Variants in ABHD2 observed in about 807,000 individuals in gnomAD.
ABHD2 encodes the protein monoacylglycerol lipase ABHD2.
A neutral mutation model predicts 48.1 loss-of-function variants in ABHD2; 20 were observed. That is an observed-to-expected ratio of 0.42 (90% CI 0.29 to 0.60). ABHD2 has a LOEUF of 0.60. ABHD2 is among the 20% of genes least tolerant of loss of function. The probability of loss-of-function intolerance (pLI) is 0.24; values close to 1 mark genes in which losing one functional copy is unlikely to be tolerated. For missense variants in ABHD2, 405 were observed against 550.9 expected (o/e 0.74, Z 2.65); for synonymous variants, 209 against 214.2 (o/e 0.98, Z 0.21).
Position 89,102,494 on chromosome 15 carries a change from T to G in ABHD2, c.-106-11231T>G, listed in dbSNP as rs1298615186. 1 of 152,292 alleles carries G rather than the reference T, an allele frequency of 6.6e-6. No homozygotes were observed. The highest frequency in any genetic ancestry group is 1.5e-5 in the Non-Finnish European group (1 of 68,066). 9.4% of individuals were successfully genotyped at this position (152,292 alleles called of 1,614,324 possible). A position where few individuals can be genotyped will look rare whatever the true frequency, so the allele number is the denominator to read the frequency against. On this transcript the variant is annotated intron_variant, in intron 1 of 10. Coordinates refer to ENST00000352732, the MANE Select transcript of ABHD2 (RefSeq NM_152924.5). This position sits in a 1 kb window ranked among gnomAD's most constrained non-coding sequence, Gnocchi z 4.8. ...CCCTCCCAGTGGTACTGATGCCTTT[T>G]CGCAGGTTCTGTCCTCTTCATTTGC...
chr15:89,045,448 T>C, the ABHD2 span, among the ~76,000 whole-genome samples: 1 of 152,242 alleles, frequency 6.6e-6, no homozygotes, highest in Non-Finnish European at 1.5e-5. Flanking sequence ...AAGTCATTGG[T>C]AGCTTGATGG....
rs956279687 is a variant in ABHD2 at position 89,168,246 on chromosome 15, C to T, written c.539-7566C>T. Among the ~76,000 whole-genome samples the T allele has an allele frequency of 2.6e-5, 4 of 152,130 alleles. No homozygotes were observed. Among genetic ancestry groups the T allele is most frequent in the Admixed American group, 6.6e-5 (1 of 15,266 alleles). ...CAGCAAGTTGCCTTTCCAAAATGGC[C>T]GTGCAATACTCATCTGTCTAAGGCC... On this transcript the variant is annotated intron_variant, in intron 5 of 10. Coordinates refer to ENST00000352732, the MANE Select transcript of ABHD2 (RefSeq NM_152924.5). The surrounding 1 kb of genome is among the most constrained non-coding windows in gnomAD (Gnocchi z 4.8).
chr15:89,053,883 C>T, the ABHD2 span, among the ~76,000 whole-genome samples: 1 of 152,212 alleles, frequency 6.6e-6, no homozygotes, highest in African/African-American at 2.4e-5. Context: ...AGGTGCCAGC[C>T]TCCCGGACGC....
chr15:89,048,392 C>T, the ABHD2 span, among the ~76,000 whole-genome samples: 15 of 150,956 alleles, frequency 9.9e-5, no homozygotes, highest in Non-Finnish European at 2.1e-4. Flanking sequence ...TTGCTCTTCT[C>T]GAGGAGTATC....
At chr15:89,183,384 A>AAAAAAAAAT (rs61602174) in intron 6 of ABHD2, 15 of 46,254 alleles carry the variant, frequency 3.2e-4, no homozygotes, top group East Asian at 7.8e-4. Flanking sequence ...AAAAAAAAAA[A>AAAAAAAAAT]ATATATATAT....
chr15:89,041,990 G>A, the ABHD2 span, among the ~76,000 whole-genome samples: 12 of 152,154 alleles, frequency 7.9e-5, no homozygotes, highest in African/African-American at 2.7e-4. Context: ...TGGGAGGGGC[G>A]TCCATCTTTA....
the ABHD2 span, among the ~76,000 whole-genome samples, chr15:89,063,797 A>G: frequency 2.5e-4 from 38 of 152,246 alleles, no homozygotes; most frequent in African/African-American, 9.1e-4. Context: ...GTGGTCCCCA[A>G]CATTTTTGGC....
At position 89,198,931 on chromosome 15, in the gene ABHD2, C is replaced by T. The variant is rs2051440597; in HGVS notation, c.*3508C>T. ...AGAGTCCCCGTTGTCATCGTAAGAC[C>T]CTTGCTGTTTGGAGGGTGGTCTTGT... On this transcript the variant is annotated 3_prime_UTR_variant, in exon 11 of 11. Transcript: ENST00000352732. This position sits in a 1 kb window ranked among gnomAD's most constrained non-coding sequence, Gnocchi z 5.1. 1 of 152,244 alleles carries T rather than the reference C, an allele frequency of 6.6e-6. No homozygotes were observed. Among genetic ancestry groups the T allele is most frequent in the African/African-American group, 2.4e-5 (1 of 41,400 alleles). 9.4% of individuals were successfully genotyped at this position (152,244 alleles called of 1,614,324 possible). A position where few individuals can be genotyped will look rare whatever the true frequency, so the allele number is the denominator to read the frequency against.
chr15:89,133,853 T>C (rs2050259019), intron 3 of ABHD2, among the ~76,000 whole-genome samples: 1 of 133,182 alleles, frequency 7.5e-6, no homozygotes, highest in Non-Finnish European at 1.7e-5. Flanking sequence ...TTTTTTTTTT[T>C]TGAGACAGAG....
intron 3 of ABHD2, among the ~76,000 whole-genome samples, chr15:89,140,696 A>C (rs541611077): frequency 2.0e-5 from 3 of 152,230 alleles, no homozygotes; most frequent in African/African-American, 7.2e-5. Flanking sequence ...TGGGAGCCTC[A>C]CGTCACCTCT....
chr15:89,049,929 TTTC>T, the ABHD2 span, among the ~76,000 whole-genome samples: 1 of 152,176 alleles, frequency 6.6e-6, no homozygotes, highest in African/African-American at 2.4e-5. Flanking sequence ...ATTTTTCTCT[TTTC>T]TATTCCTCCA....
At chr15:89,119,093 G>A (rs978962782) in intron 3 of ABHD2, among the ~76,000 whole-genome samples, 42 of 152,178 alleles carry the variant, frequency 2.8e-4, no homozygotes, top group Non-Finnish European at 1.5e-5. Context: ...CCGAACTAGG[G>A]AGTGGTGGAG....
At chr15:89,055,189 C>G in the ABHD2 span, among the ~76,000 whole-genome samples, 1 of 152,144 alleles carries the variant, frequency 6.6e-6, no homozygotes, top group Non-Finnish European at 1.5e-5. Context: ...TGAATTGAAA[C>G]CCAGTCCAAA....
rs190603121 is a variant in ABHD2 at position 89,163,148 on chromosome 15, C to T, written c.538+7614C>T. Among the ~76,000 whole-genome samples the T allele has an allele frequency of 7.2e-4, 109 of 152,328 alleles. 2 individuals carry two copies. The highest frequency in any genetic ancestry group is 2.3e-3 in the African/African-American group (96 of 41,574). On this transcript the variant is annotated intron_variant, in intron 5 of 10. Transcript: ENST00000352732. ...AGAAGAAAACTAAAGAGGGCATTAA[C>T]ATGAAACTCTATATTCTTCTTTTGC...
At chr15:89,052,715 C>G in the ABHD2 span, among the ~76,000 whole-genome samples, 1 of 152,110 alleles carries the variant, frequency 6.6e-6, no homozygotes, top group African/African-American at 2.4e-5. Context: ...TCACAGAGCT[C>G]ACAGGGAGGC....
Position 89,199,937 on chromosome 15 carries a change from G to A in ABHD2, c.*4514G>A, listed in dbSNP as rs2051449534. On this transcript the variant is annotated 3_prime_UTR_variant, in exon 11 of 11. Coordinates refer to ENST00000352732, the MANE Select transcript of ABHD2 (RefSeq NM_152924.5). This position sits in a 1 kb window ranked among gnomAD's most constrained non-coding sequence, Gnocchi z 4.1. ...AGAGGGAACTGGAATGCCACACAAG[G>A]CAAGGCCTGCTTCCTTCCTTCCCCT... The A allele has an allele frequency of 6.6e-6, 1 of 152,506 alleles. No homozygotes were observed. Among genetic ancestry groups the A allele is most frequent in the Admixed American group, 6.6e-5 (1 of 15,266 alleles). 9.4% of individuals were successfully genotyped at this position (152,506 alleles called of 1,614,324 possible).
At position 89,168,809 on chromosome 15, in the gene ABHD2, C is replaced by T. The variant is rs1445735316; in HGVS notation, c.539-7003C>T. On this transcript the variant is annotated intron_variant, in intron 5 of 10. Transcript: ENST00000352732. This position sits in a 1 kb window ranked among gnomAD's most constrained non-coding sequence, Gnocchi z 4.8. ...AATCAAAGCTGGGTGCAGTGGCTCACACCTGTAATCTCAGCACTTTGGGAA... is the reference window on the plus strand; with the variant it reads ...AATCAAAGCTGGGTGCAGTGGCTCATACCTGTAATCTCAGCACTTTGGGAA... Among the ~76,000 whole-genome samples, 1 of 152,162 alleles carries T rather than the reference C, an allele frequency of 6.6e-6. No homozygotes were observed. Among genetic ancestry groups the T allele is most frequent in the Non-Finnish European group, 1.5e-5 (1 of 68,026 alleles).
At chr15:89,052,520 GAGACAGACAGACAGACAGACAGAC>G in the ABHD2 span, among the ~76,000 whole-genome samples, 6 of 142,346 alleles carry the variant, frequency 4.2e-5, no homozygotes, top group Non-Finnish European at 7.5e-5. Flanking sequence ...TTTGGACCCA[GAGACAGACAGACAGACAGACAGAC>G]AGACAGACAG....
Position 89,116,248 on chromosome 15 carries a change from T to C in ABHD2, c.-6-74T>C, listed in dbSNP as rs184795918. ...ACTGGCAGTATCTCTTAGCCCACCA[T>C]GCGTCTGTAGGGTGGTGGGCACCAC... On this transcript the variant is annotated intron_variant, in intron 2 of 10. Coordinates refer to ENST00000352732, the MANE Select transcript of ABHD2 (RefSeq NM_152924.5). The surrounding 1 kb of genome is among the most constrained non-coding windows in gnomAD (Gnocchi z 4.6). 1.5e-5 allele frequency: 20 copies of C among 1,370,646 alleles called. No individual in the cohort carries two copies. The Admixed American group carries it at 4.0e-4, about 27-fold the overall frequency. 84.9% of individuals were successfully genotyped at this position (1,370,646 alleles called of 1,614,324 possible). A position where few individuals can be genotyped will look rare whatever the true frequency, so the allele number is the denominator to read the frequency against.
Sources: gnomAD v4.1 joint callset for allele counts (sites outside exome capture counted in the v4.1 genomes callset) on GRCh38, gnomAD v4.1.1 for gene constraint, Gnocchi (gnomAD v3.1) non-coding constraint, MANE v1.5 for transcripts, NCBI Gene and HGNC (gene_info 2026-07-23, HGNC 2026-07-21) for gene names.